RFX6: variants seen among roughly 807,000 people sequenced by gnomAD.
RFX6 encodes the protein regulatory factor X6.
RFX6 carries 50 observed loss-of-function variants against 110.8 expected under a neutral mutation model. The ratio of observed to expected loss-of-function variants is 0.45; its 90% confidence interval spans 0.36 to 0.57. The LOEUF is 0.57. Ranked by LOEUF, RFX6 falls within the 20% of genes least tolerant of loss-of-function variation. The pLI is 0.00. For missense variants in RFX6, 990 were observed against 1,127.0 expected (o/e 0.88, Z 1.74); for synonymous variants, 383 against 411.2 (o/e 0.93, Z 0.83).
At position 116,928,869 on chromosome 6, in the gene RFX6, A is replaced by T; in HGVS notation, c.2509A>T (p.Ile837Phe). Residue 837 changes from isoleucine to phenylalanine, a missense_variant, in exon 18 of 19, where the codon ATC (isoleucine) becomes TTC (phenylalanine). By Grantham distance (21) the Ile-to-Phe change is conservative. This residue lies in a region of RFX6 where 438 missense variants were observed against 441.9 expected (regional missense o/e 0.99). Coordinates refer to ENST00000332958, the MANE Select transcript of RFX6 (RefSeq NM_173560.4). ...SIRSLPPYSDIHDPLNILDDS... is the reference protein window; with the variant it reads ...SIRSLPPYSDFHDPLNILDDS... ...TCGTTCACTGCCCCCCTACAGTGACATCCACGATCCACTTAACATTTTAGA... is the reference window on the plus strand; with the variant it reads ...TCGTTCACTGCCCCCCTACAGTGACTTCCACGATCCACTTAACATTTTAGA... 1 of 1,613,204 alleles carries T rather than the reference A, an allele frequency of 6.2e-7. No individual in the cohort carries two copies. Among genetic ancestry groups the T allele is most frequent in the Non-Finnish European group, 8.5e-7 (1 of 1,179,144 alleles).
intron 6 of RFX6, among the ~76,000 whole-genome samples, chr6:116,896,368 T>G (rs1188543151): frequency 2.0e-5 from 3 of 152,232 alleles, no homozygotes; most frequent in Non-Finnish European, 4.4e-5. Context: ...CCTAACCATT[T>G]TCTGTGGATA....
At chr6:116,893,262 T>C (rs1448116885) in intron 4 of RFX6, among the ~76,000 whole-genome samples, 1 of 152,172 alleles carries the variant, frequency 6.6e-6, no homozygotes, top group Non-Finnish European at 1.5e-5. Flanking sequence ...GTATAATATT[T>C]GTAGTGTTTG....
chr6:116,887,357 G>C (rs1774720227), intron 4 of RFX6, among the ~76,000 whole-genome samples: 1 of 152,154 alleles, frequency 6.6e-6, no homozygotes, highest in African/African-American at 2.4e-5. Context: ...TCCATTAGCA[G>C]CTCAGCTCTC....
chr6:116,880,679 G>T lies in RFX6; in HGVS notation c.504+12G>T, dbSNP rs984058497. On this transcript the variant is annotated intron_variant, in intron 3 of 18. Transcript: ENST00000332958. ...CCACCTTTGGAAAGGTAAATGACAC[G>T]TATTGGCTATAGTGACTTATAACTA... The T allele has an allele frequency of 6.2e-7, 1 of 1,612,936 alleles. No individual in the cohort carries two copies. Among genetic ancestry groups the T allele is most frequent in the African/African-American group, 1.3e-5 (1 of 74,890 alleles).
intron 6 of RFX6, among the ~76,000 whole-genome samples, chr6:116,903,671 T>A (rs1454244671): frequency 6.6e-6 from 1 of 152,014 alleles, no homozygotes; most frequent in Non-Finnish European, 1.5e-5. Flanking sequence ...TGTTTATTAT[T>A]TGCCCAGTTG....
chr6:116,923,481 G>T, intron 14 of RFX6: 1 of 480,168 alleles, frequency 2.1e-6, no homozygotes, highest in Non-Finnish European at 3.8e-6. Context: ...TCTTCGAAGG[G>T]TTGTATAGGT....
chr6:116,883,165 TA>T (rs1379159923), intron 4 of RFX6, among the ~76,000 whole-genome samples: 2 of 152,310 alleles, frequency 1.3e-5, no homozygotes, highest in Non-Finnish European at 1.5e-5. Context: ...TTGCTTCCCT[TA>T]CCACTGATCA....
chr6:116,900,446 GGT>G (rs1335198167), intron 6 of RFX6, among the ~76,000 whole-genome samples: 1 of 152,016 alleles, frequency 6.6e-6, no homozygotes, highest in Non-Finnish European at 1.5e-5. Flanking sequence ...GTAGAGTCGG[GGT>G]TTTGTCATGT....
intron 6 of RFX6, among the ~76,000 whole-genome samples, chr6:116,899,983 G>A (rs1310272053): frequency 1.3e-5 from 2 of 152,132 alleles, no homozygotes; most frequent in East Asian, 3.8e-4. Context: ...AGTAGAAGAT[G>A]CGAATAGATG....
intron 7 of RFX6, among the ~76,000 whole-genome samples, chr6:116,915,587 T>G (rs1257557484): frequency 6.6e-6 from 1 of 152,170 alleles, no homozygotes; most frequent in East Asian, 1.9e-4. Flanking sequence ...TAAAACTGTG[T>G]GAAGATTTGA....
intron 6 of RFX6, among the ~76,000 whole-genome samples, chr6:116,902,320 A>G (rs960458251): frequency 4.7e-4 from 71 of 152,118 alleles, no homozygotes; most frequent in Middle Eastern, 3.4e-3. Flanking sequence ...TTTTTTCTCT[A>G]TATCTTTTAA....
chr6:116,879,574 ATATT>A (rs1774542872), intron 2 of RFX6, among the ~76,000 whole-genome samples: 1 of 151,910 alleles, frequency 6.6e-6, no homozygotes, highest in Non-Finnish European at 1.5e-5. Context: ...ACACATTAGG[ATATT>A]TTAAATCAAA....
In RFX6 at chr6:116,899,251, T is replaced by C. The variant is rs989797097; in HGVS notation, c.672+4044T>C. On this transcript the variant is annotated intron_variant, in intron 6 of 18. Transcript: ENST00000332958. ...GCCTGGATAGGAATGCTAGATATTA[T>C]AAATATTCCAATTCTTCCTAAATTA... is the stretch of plus-strand genomic sequence containing the variant. 4.6e-5 allele frequency among the ~76,000 whole-genome samples: 7 copies of C among 152,218 alleles called. 1 individual carries two copies. In the East Asian group the frequency reaches 1.2e-3, roughly 25 times the overall value.
Position 116,877,809 on chromosome 6 carries a change from C to T in RFX6, c.237C>T (p.Asn79=), listed in dbSNP as rs749866506. 7.9e-5 allele frequency: 128 copies of T among 1,611,010 alleles called. No individual in the cohort carries two copies. The highest frequency in any genetic ancestry group is 9.9e-5 in the Non-Finnish European group (117 of 1,178,306). Residue 79 remains asparagine, a synonymous_variant, in exon 2 of 19, where the codon AAC becomes AAT. Transcript: ENST00000332958. Reference sequence around the variant, plus strand: ...ACTGGCAATCAGAAATGCACTTAAACAATGGTAACTTTTCCTCTGAAGAAG... The same window carrying T: ...ACTGGCAATCAGAAATGCACTTAAATAATGGTAACTTTTCCTCTGAAGAAG... The part of the protein sequence containing the change: ...PGAVKSEMHL[N]NGNFSSEEED...
chr6:116,912,833 C>T (rs984272658), intron 7 of RFX6, among the ~76,000 whole-genome samples: 1 of 138,538 alleles, frequency 7.2e-6, no homozygotes, highest in African/African-American at 2.8e-5. Context: ...TCATACCTGC[C>T]AATTTGAAAG....
At chr6:116,921,670 T>A (rs967877552) in intron 12 of RFX6, among the ~76,000 whole-genome samples, 8 of 143,720 alleles carry the variant, frequency 5.6e-5, no homozygotes, top group South Asian at 2.3e-4. Context: ...TTTTTTTTTT[T>A]AATTTAGGCA....
chr6:116,897,192 G>A (rs1321370), intron 6 of RFX6, among the ~76,000 whole-genome samples: 55,987 of 151,900 alleles, frequency 0.37, 11,392 homozygotes, highest in East Asian at 0.51. Context: ...AAGAAGAGTG[G>A]TTAAGACAGA....
At chr6:116,924,609 C>T in intron 14 of RFX6, 60 bp from the exon 15 acceptor site, 2 of 1,497,620 alleles carry the variant, frequency 1.3e-6, no homozygotes, top group East Asian at 2.3e-5. Flanking sequence ...CTTTCCTTCT[C>T]TTTCTCTCCC....
intron 6 of RFX6, among the ~76,000 whole-genome samples, chr6:116,904,045 A>T (rs1006493862): frequency 6.6e-6 from 1 of 151,914 alleles, no homozygotes; most frequent in Admixed American, 6.6e-5. Flanking sequence ...TTTGTACCTT[A>T]TTCTTATGCT....
Sources: gnomAD v4.1 joint callset for allele counts (sites outside exome capture counted in the v4.1 genomes callset) on GRCh38, gnomAD v4.1.1 for gene constraint, gnomAD v4.1.1 regional missense constraint, MANE v1.5 for transcripts, NCBI Gene and HGNC (gene_info 2026-07-23, HGNC 2026-07-21) for gene names.